The following STK32C variants were observed in gnomAD, a reference collection of about 807,000 sequenced individuals.
STK32C encodes the protein serine/threonine-protein kinase 32C.
Under a neutral mutation model 56.5 loss-of-function variants are expected in STK32C, and 31 were observed. The ratio of observed to expected loss-of-function variants is 0.55; its 90% confidence interval spans 0.41 to 0.74. The LOEUF (loss-of-function observed/expected upper bound fraction) is 0.74, where lower values mean the gene tolerates loss of function less well. Ranked by LOEUF, STK32C falls within the 30% of genes least tolerant of loss-of-function variation. STK32C has a pLI of 0.00. For synonymous variants in STK32C, 309 were observed against 289.4 expected (o/e 1.07, Z -0.69); for missense variants, 544 against 676.9 (o/e 0.80, Z 2.18).
At chr10:132,309,934 C>G (rs529351718), upstream of STK32C, among the ~76,000 whole-genome samples, 5 of 152,200 alleles carry the variant, frequency 3.3e-5, no homozygotes, top group Admixed American at 6.5e-5. Context: ...AGACTTCAGA[C>G]AGCAGGTAGA....
chr10:132,310,342 T>C (rs956646762), upstream of STK32C, among the ~76,000 whole-genome samples: 8 of 152,220 alleles, frequency 5.3e-5, no homozygotes, highest in Non-Finnish European at 8.8e-5. The surrounding 1 kb of genome is among the most constrained non-coding windows in gnomAD (Gnocchi z 4.6). Flanking sequence ...GAGGGGCCTG[T>C]GGGCTCAGGG....
intron 1 of STK32C, among the ~76,000 whole-genome samples, chr10:132,330,018 A>T (rs139839990): frequency 6.6e-6 from 1 of 152,324 alleles, no homozygotes; most frequent in East Asian, 1.9e-4. Context: ...ACAGGAAATG[A>T]CTCAACAAGG....
intron 1 of STK32C, among the ~76,000 whole-genome samples, chr10:132,267,620 T>C (rs1434347306): frequency 6.9e-6 from 1 of 144,902 alleles, no homozygotes; most frequent in East Asian, 2.0e-4. Flanking sequence ...CATGTTCAGC[T>C]CTATGCCTGT....
intron 1 of STK32C, among the ~76,000 whole-genome samples, chr10:132,246,678 C>A (rs1590248881): frequency 6.6e-6 from 1 of 152,190 alleles, no homozygotes; most frequent in Non-Finnish European, 1.5e-5. Flanking sequence ...TGTCCGTGTG[C>A]CCTATTCACA....
At chr10:132,275,198 G>A (rs11817709) in intron 1 of STK32C, among the ~76,000 whole-genome samples, 2,182 of 152,278 alleles carry the variant, frequency 0.014, 54 homozygotes, top group African/African-American at 0.049. Flanking sequence ...CGGCATCCCC[G>A]TACCCGTGCC....
At chr10:132,241,160 C>T (rs560068546) in intron 2 of STK32C, among the ~76,000 whole-genome samples, 44 of 152,364 alleles carry the variant, frequency 2.9e-4, no homozygotes, top group African/African-American at 8.7e-4. Flanking sequence ...AAACCCGACC[C>T]TCCACCCACA....
chr10:132,222,599 G>C (rs1565072507), intron 10 of STK32C, 42 bp downstream of exon 10: 2 of 1,602,246 alleles, frequency 1.2e-6, no homozygotes, highest in South Asian at 2.2e-5. Flanking sequence ...GGAGCCCCAA[G>C]CCCAGCCCGC....
chr10:132,228,368 C>G (rs953644458), intron 2 of STK32C, among the ~76,000 whole-genome samples: 15 of 152,192 alleles, frequency 9.9e-5, no homozygotes, highest in Non-Finnish European at 1.6e-4. Flanking sequence ...ATTCTGCCCC[C>G]CAGAGGTTCC....
At chr10:132,221,532 C>T (rs547213605) in intron 10 of STK32C, among the ~76,000 whole-genome samples, 8 of 142,542 alleles carry the variant, frequency 5.6e-5, no homozygotes, top group African/African-American at 2.1e-4. Context: ...TATCAACGCA[C>T]CTGGGCAAGT....
intron 1 of STK32C, among the ~76,000 whole-genome samples, chr10:132,256,541 G>A (rs2064130442): frequency 2.6e-5 from 4 of 152,200 alleles, no homozygotes; most frequent in Admixed American, 2.6e-4. Context: ...CAGAGGCTCA[G>A]GCCTGAGACC....
chr10:132,298,681 G>A (rs528090819), intron 1 of STK32C, among the ~76,000 whole-genome samples: 5 of 152,014 alleles, frequency 3.3e-5, no homozygotes, highest in South Asian at 2.1e-4. Flanking sequence ...GTTGAGCGCC[G>A]TGTGTGGGGT....
chr10:132,264,710 AC>A lies in STK32C; in HGVS notation c.263-18756del, dbSNP rs2064439083. On this transcript the variant is annotated intron_variant, in intron 1 of 11. Coordinates refer to ENST00000298630, the MANE Select transcript of STK32C (RefSeq NM_173575.4). ...ACCTAGTGGGGCTCGCATGGGGCAC[AC>A]CCCCACAGGGCCTGTCACCCCAAAG... Among the ~76,000 whole-genome samples the A allele has an allele frequency of 6.6e-5, 10 of 151,410 alleles. No individual in the cohort carries two copies. The South Asian group carries it at 2.1e-3, about 32-fold the overall frequency.
intron 1 of STK32C, among the ~76,000 whole-genome samples, chr10:132,293,585 C>T (rs374401209): frequency 1.2e-4 from 19 of 152,346 alleles, no homozygotes; most frequent in East Asian, 5.8e-4. Context: ...GCAAGGCAGC[C>T]GGCCAGGCAC....
At chr10:132,252,313 G>A (rs2063938758) in intron 1 of STK32C, among the ~76,000 whole-genome samples, 2 of 152,276 alleles carry the variant, frequency 1.3e-5, no homozygotes, top group Admixed American at 1.3e-4. Flanking sequence ...GGCTAAAGCA[G>A]GAAAGGGGGA....
At chr10:132,308,018 G>A, upstream of STK32C, 1 of 827,322 alleles carries the variant, frequency 1.2e-6, no homozygotes, top group Non-Finnish European at 1.5e-6. Flanking sequence ...TTCTGGAAGG[G>A]GCGGGGGCGG....
At chr10:132,248,575 G>C (rs537539282) in intron 1 of STK32C, among the ~76,000 whole-genome samples, 3 of 152,360 alleles carry the variant, frequency 2.0e-5, no homozygotes, top group Admixed American at 2.0e-4. Context: ...GAGCCACAGC[G>C]GGCACAGGAG....
At chr10:132,265,854 C>T (rs1198070161) in intron 1 of STK32C, among the ~76,000 whole-genome samples, 4 of 152,178 alleles carry the variant, frequency 2.6e-5, no homozygotes, top group South Asian at 2.1e-4. Flanking sequence ...GGGACAGCAG[C>T]GAGGCCTGGC....
intron 2 of STK32C, among the ~76,000 whole-genome samples, chr10:132,242,950 T>C (rs2063557663): frequency 6.6e-6 from 1 of 152,076 alleles, no homozygotes; most frequent in Admixed American, 6.5e-5. Context: ...GAAAGGTCAA[T>C]GGCTTTTAAG....
chr10:132,282,018 G>C lies in STK32C; in HGVS notation c.262+25554C>G, dbSNP rs547983972. On this transcript the variant is annotated intron_variant, in intron 1 of 11. Coordinates refer to ENST00000298630, the MANE Select transcript of STK32C (RefSeq NM_173575.4). ...TGAGCGCCGACATTCAGAGGGAGGC[G>C]CCTCCCTGATCCCGGCCTGGAGGCA... Among the ~76,000 whole-genome samples the C allele has an allele frequency of 2.0e-5, 3 of 152,220 alleles. No homozygotes were observed. The East Asian group carries it at 5.8e-4, about 29-fold the overall frequency.
Sources: gnomAD v4.1 joint callset for allele counts (sites outside exome capture counted in the v4.1 genomes callset) on GRCh38, gnomAD v4.1.1 for gene constraint, Gnocchi (gnomAD v3.1) non-coding constraint, MANE v1.5 for transcripts, NCBI Gene and HGNC (gene_info 2026-07-23, HGNC 2026-07-21) for gene names.